DAB1: variants seen among roughly 807,000 people sequenced by gnomAD.
The protein encoded by DAB1 is disabled homolog 1.
In DAB1, 15 loss-of-function variants were observed where a neutral mutation model predicts 64.6. The ratio of observed to expected loss-of-function variants is 0.23; its 90% CI spans 0.16 to 0.36. The LOEUF (loss-of-function observed/expected upper bound fraction) is 0.36. Ranked by LOEUF, DAB1 falls within the 10% of genes least tolerant of loss-of-function variation. The pLI is 1.00. For missense variants in DAB1, 596 were observed against 706.7 expected, an observed-to-expected ratio of 0.84 and a Z score of 1.78; for synonymous variants, 235 against 251.9, an observed-to-expected ratio of 0.93 and a Z score of 0.64.
chr1:57,443,212 T>C (rs1686018362), intron 7 of DAB1, among the ~76,000 whole-genome samples: 1 of 152,206 alleles, frequency 6.6e-6, no homozygotes, highest in East Asian at 1.9e-4. Flanking sequence ...AGTTTAGGGA[T>C]ACATGACTCT....
At chr1:57,355,348 CTTCCTTCCTTCCCTTCCTTCCTTCG>C (rs1232697427) in intron 1 of DAB1, among the ~76,000 whole-genome samples, 1 of 151,254 alleles carries the variant, frequency 6.6e-6, no homozygotes, top group Non-Finnish European at 1.5e-5. Context: ...TCCTCCCTTC[CTTCCTTCCTTCCCTTCCTTCCTTCG>C]TTCCTTCCTT....
chr1:57,153,739 G>A (rs1445300831), intron 2 of DAB1, among the ~76,000 whole-genome samples: 1 of 152,000 alleles, frequency 6.6e-6, no homozygotes, highest in South Asian at 2.1e-4. Flanking sequence ...CCAGGTTCAC[G>A]CCATTCTCTT....
intron 5 of DAB1, among the ~76,000 whole-genome samples, chr1:57,993,507 A>C (rs190517913): frequency 6.6e-6 from 1 of 152,296 alleles, no homozygotes; most frequent in Non-Finnish European, 1.5e-5. Flanking sequence ...ATTTTTGTCG[A>C]AAGCTCCCCA....
At chr1:58,068,798 A>C (rs1649039314) in intron 5 of DAB1, among the ~76,000 whole-genome samples, 1 of 151,820 alleles carries the variant, frequency 6.6e-6, no homozygotes, top group South Asian at 2.1e-4. Context: ...AAAAAAAGAA[A>C]GCATCATTAT....
chr1:57,172,693 G>A (rs1293291962), intron 2 of DAB1, among the ~76,000 whole-genome samples: 1 of 152,114 alleles, frequency 6.6e-6, no homozygotes, highest in Admixed American at 6.6e-5. Context: ...GAGGTGCCAG[G>A]CTCTTTTTAA....
At chr1:57,741,402 A>G (rs1647984660) in intron 6 of DAB1, among the ~76,000 whole-genome samples, 2 of 152,200 alleles carry the variant, frequency 1.3e-5, no homozygotes, top group Non-Finnish European at 2.9e-5. Flanking sequence ...TAGACCAACA[A>G]ATTGAGGCTT....
intron 2 of DAB1, among the ~76,000 whole-genome samples, chr1:58,508,525 C>A (rs759890061): frequency 2.0e-5 from 3 of 152,158 alleles, no homozygotes; most frequent in Non-Finnish European, 4.4e-5. Flanking sequence ...CCATAATCTG[C>A]GAGAGCAATT....
intron 12 of DAB1, among the ~76,000 whole-genome samples, chr1:57,012,995 T>A (rs747363829): frequency 4.6e-5 from 7 of 152,194 alleles, no homozygotes; most frequent in Non-Finnish European, 8.8e-5. Context: ...GGCAATTTCA[T>A]CCCTGGGGTA....
chr1:57,430,083 A>T (rs79587027), intron 7 of DAB1, among the ~76,000 whole-genome samples: 6,272 of 152,260 alleles, frequency 0.041, 177 homozygotes, highest in Non-Finnish European at 0.064. Flanking sequence ...GATAGTATGG[A>T]TACTTTAGCA....
At chr1:58,318,142 G>A (rs1206384284) in intron 4 of DAB1, among the ~76,000 whole-genome samples, 1 of 152,218 alleles carries the variant, frequency 6.6e-6, no homozygotes, top group Middle Eastern at 3.2e-3. Flanking sequence ...AACTGCCAGA[G>A]GAGATTTAAG....
At chr1:57,663,037 G>T (rs989941945) in intron 6 of DAB1, among the ~76,000 whole-genome samples, 12 of 152,172 alleles carry the variant, frequency 7.9e-5, no homozygotes, top group African/African-American at 2.9e-4. Flanking sequence ...AACTATCTGA[G>T]ACTGGGTAAT....
chr1:58,300,649 GAAGGA>G (rs1557726364), intron 4 of DAB1, among the ~76,000 whole-genome samples: 14 of 49,320 alleles, frequency 2.8e-4, no homozygotes, highest in Admixed American at 7.8e-4. Context: ...AGAGAGAGAG[GAAGGA>G]AGGAAGGAAG....
At chr1:58,482,115 A>G (rs1185846085) in intron 3 of DAB1, among the ~76,000 whole-genome samples, 1 of 152,248 alleles carries the variant, frequency 6.6e-6, no homozygotes, top group Non-Finnish European at 1.5e-5. Context: ...AGTTTAAAAT[A>G]CCAAATCTTG....
chr1:58,436,422 A>G (rs1430585911), intron 3 of DAB1, among the ~76,000 whole-genome samples: 1 of 152,158 alleles, frequency 6.6e-6, no homozygotes, highest in Non-Finnish European at 1.5e-5. Flanking sequence ...AGAGCAGCCA[A>G]CTTCACCCAA....
At chr1:57,033,344 T>G in intron 9 of DAB1, 1 of 1,596,946 alleles carries the variant, frequency 6.3e-7, no homozygotes, top group Non-Finnish European at 8.6e-7. Context: ...TGCATGAGTA[T>G]GAGCAGAACA....
chr1:57,576,568 T>C (rs1022495660), intron 7 of DAB1, among the ~76,000 whole-genome samples: 6 of 152,174 alleles, frequency 3.9e-5, no homozygotes, highest in African/African-American at 1.4e-4. Flanking sequence ...CAAGGAAGGA[T>C]TATCTCCTAC....
At chr1:57,936,236 G>A (rs1303281462) in intron 5 of DAB1, among the ~76,000 whole-genome samples, 6 of 152,138 alleles carry the variant, frequency 3.9e-5, no homozygotes, top group Admixed American at 2.6e-4. Context: ...TGTGATCCTC[G>A]GCTGGAGCCC....
At chr1:57,062,789 C>T in intron 9 of DAB1, 95 bp downstream of exon 9, 1 of 1,016,282 alleles carries the variant, frequency 9.8e-7, no homozygotes, top group Non-Finnish European at 1.5e-6. Context: ...CCATGACACT[C>T]ATTCCAGGAG....
At chr1:57,771,009 T>C (rs1233537020) in intron 6 of DAB1, among the ~76,000 whole-genome samples, 1 of 152,178 alleles carries the variant, frequency 6.6e-6, no homozygotes, top group Non-Finnish European at 1.5e-5. Flanking sequence ...AACCTCATTG[T>C]ACAGATGGCA....
Sources: allele counts gnomAD v4.1 joint callset (sites outside exome capture counted in the v4.1 genomes callset), GRCh38; gene constraint gnomAD v4.1.1; transcripts MANE v1.5; gene names NCBI Gene and HGNC (gene_info 2026-07-23, HGNC 2026-07-21).